The following FARS2 variants were observed in gnomAD, a reference collection of about 807,000 sequenced individuals.
The protein encoded by FARS2 is phenylalanine--tRNA ligase, mitochondrial.
In FARS2, 40 loss-of-function variants were observed where a neutral mutation model predicts 46.4. The ratio of observed to expected loss-of-function variants is 0.86; its 90% CI spans 0.67 to 1.12. The LOEUF (loss-of-function observed/expected upper bound fraction) is 1.12, where lower values mean the gene tolerates loss of function less well. FARS2 is among the 50% of genes most tolerant of loss of function. FARS2 has a pLI of 0.00. For missense variants in FARS2, 513 were observed against 567.9 expected, an observed-to-expected ratio of 0.90 and a Z score of 0.98; for synonymous variants, 234 against 214.9, an observed-to-expected ratio of 1.09 and a Z score of -0.78.
intron 6 of FARS2, among the ~76,000 whole-genome samples, chr6:5,745,706 AT>A (rs1346891409): frequency 1.3e-5 from 2 of 152,062 alleles, no homozygotes; most frequent in African/African-American, 4.8e-5. Context: ...TGCCTGGCTA[AT>A]TTATGTATTT....
At chr6:5,692,137 G>T (rs1000239662) in intron 6 of FARS2, among the ~76,000 whole-genome samples, 1 of 152,174 alleles carries the variant, frequency 6.6e-6, no homozygotes, top group Non-Finnish European at 1.5e-5. Flanking sequence ...TGTGCTTCCC[G>T]GGTGAGGCGA....
intron 5 of FARS2, among the ~76,000 whole-genome samples, chr6:5,588,349 T>G (rs1222999711): frequency 6.6e-6 from 1 of 152,088 alleles, no homozygotes; most frequent in Non-Finnish European, 1.5e-5. Flanking sequence ...TGCCTTGACT[T>G]TTATTTTTTA....
chr6:5,297,952 A>G (rs539906670), intron 1 of FARS2, among the ~76,000 whole-genome samples: 1 of 152,342 alleles, frequency 6.6e-6, no homozygotes, highest in South Asian at 2.1e-4. Context: ...TTTAAATAAA[A>G]CCAAGCAACA....
chr6:5,271,216 T>C (rs964958644), intron 1 of FARS2, among the ~76,000 whole-genome samples: 2 of 152,174 alleles, frequency 1.3e-5, no homozygotes, highest in African/African-American at 2.4e-5. Context: ...CAGAGTCCTC[T>C]CTCTCGGTTA....
chr6:5,759,246 G>A (rs979361461), intron 6 of FARS2, among the ~76,000 whole-genome samples: 2 of 152,080 alleles, frequency 1.3e-5, no homozygotes, highest in Non-Finnish European at 2.9e-5. Flanking sequence ...TTCCTACATC[G>A]GTCAGGCCTT....
chr6:5,530,312 G>A (rs2150452658), intron 4 of FARS2, among the ~76,000 whole-genome samples: 1 of 152,160 alleles, frequency 6.6e-6, no homozygotes, highest in African/African-American at 2.4e-5. Context: ...AAATGTCAAT[G>A]TCTTATAAGA....
chr6:5,638,701 C>T (rs1776663958), intron 6 of FARS2, among the ~76,000 whole-genome samples: 3 of 152,378 alleles, frequency 2.0e-5, no homozygotes, highest in South Asian at 4.1e-4. Flanking sequence ...TGTGGCTCAA[C>T]CGCTGTGGGG....
chr6:5,369,874 T>A (rs1758935211), intron 2 of FARS2, among the ~76,000 whole-genome samples: 2 of 136,172 alleles, frequency 1.5e-5, no homozygotes, highest in African/African-American at 5.7e-5. Context: ...GTGCATCTTT[T>A]TTTGTTGTTT....
chr6:5,764,576 TCTC>T lies in FARS2; in HGVS notation c.1218-6714_1218-6712del, dbSNP rs1445019513. On this transcript the variant is annotated intron_variant, in intron 6 of 6. Coordinates refer to ENST00000274680, the MANE Select transcript of FARS2 (RefSeq NM_006567.5). This position sits in a 1 kb window ranked among gnomAD's most constrained non-coding sequence, Gnocchi z 4.1. ...TGGAAGCTGCCCCGTGACAGCATCTTCTCTCCCGTTGAGTAATCCCTGCATGAA... is the reference window on the plus strand; with the variant it reads ...TGGAAGCTGCCCCGTGACAGCATCTTTCCCGTTGAGTAATCCCTGCATGAA... 3.3e-5 allele frequency among the ~76,000 whole-genome samples: 5 copies of T among 152,140 alleles called. No homozygotes were observed. Among genetic ancestry groups the T allele is most frequent in the Non-Finnish European group, 5.9e-5 (4 of 68,028 alleles).
At chr6:5,575,036 C>G (rs1323812926) in intron 5 of FARS2, among the ~76,000 whole-genome samples, 1 of 152,180 alleles carries the variant, frequency 6.6e-6, no homozygotes, top group Non-Finnish European at 1.5e-5. Flanking sequence ...GTTGTTGGTT[C>G]ATTAACATTG....
chr6:5,554,985 G>T (rs769351107), intron 5 of FARS2, among the ~76,000 whole-genome samples: 5 of 152,058 alleles, frequency 3.3e-5, no homozygotes, highest in African/African-American at 4.8e-5. Context: ...ATGTAATATG[G>T]TTTGGCTCTG....
At chr6:5,674,945 C>T (rs1408911435) in intron 6 of FARS2, among the ~76,000 whole-genome samples, 1 of 152,174 alleles carries the variant, frequency 6.6e-6, no homozygotes, top group African/African-American at 2.4e-5. Flanking sequence ...AAGAAGTGGT[C>T]AGTGGCCAGG....
chr6:5,565,654 G>C (rs1244821767), intron 5 of FARS2, among the ~76,000 whole-genome samples: 1 of 152,104 alleles, frequency 6.6e-6, no homozygotes, highest in African/African-American at 2.4e-5. Flanking sequence ...ACATATATTA[G>C]TATTATTCAC....
At chr6:5,386,345 A>T (rs1406264334) in intron 2 of FARS2, among the ~76,000 whole-genome samples, 1 of 151,374 alleles carries the variant, frequency 6.6e-6, no homozygotes, top group Non-Finnish European at 1.5e-5. Flanking sequence ...GGAAGCACGA[A>T]CTGCTTCATG....
intron 6 of FARS2, among the ~76,000 whole-genome samples, chr6:5,752,684 C>T (rs1261310290): frequency 6.6e-6 from 1 of 152,084 alleles, no homozygotes; most frequent in African/African-American, 2.4e-5. Context: ...GACACAGAAG[C>T]GCTAGGAAGC....
chr6:5,416,183 T>A (rs1190049804), intron 3 of FARS2, among the ~76,000 whole-genome samples: 1 of 152,242 alleles, frequency 6.6e-6, no homozygotes, highest in East Asian at 1.9e-4. Context: ...TGGATTATGC[T>A]TTTGATATTG....
At chr6:5,626,368 T>C (rs924171654) in intron 6 of FARS2, among the ~76,000 whole-genome samples, 1 of 152,158 alleles carries the variant, frequency 6.6e-6, no homozygotes, top group Non-Finnish European at 1.5e-5. Context: ...GAAGTATTTC[T>C]GTAGGTCCCA....
chr6:5,542,087 G>T (rs1041933098), intron 4 of FARS2, among the ~76,000 whole-genome samples: 1 of 152,162 alleles, frequency 6.6e-6, no homozygotes, highest in Non-Finnish European at 1.5e-5. Context: ...GATTTGGTGG[G>T]TTTTGGCCTG....
chr6:5,444,486 AAAAAAAAGAGAGAG>A (rs1335255345), intron 4 of FARS2, among the ~76,000 whole-genome samples: 19 of 87,168 alleles, frequency 2.2e-4, no homozygotes, highest in South Asian at 3.8e-4. Flanking sequence ...AAAAAAAAAA[AAAAAAAAGAGAGAG>A]AGAGAGAGAG....
Sources: allele counts gnomAD v4.1 joint callset (sites outside exome capture counted in the v4.1 genomes callset), GRCh38; gene constraint gnomAD v4.1.1; non-coding constraint Gnocchi (gnomAD v3.1); transcripts MANE v1.5; gene names NCBI Gene and HGNC (gene_info 2026-07-23, HGNC 2026-07-21).